MRPL3: variants seen among roughly 807,000 people sequenced by gnomAD.
MRPL3 encodes the protein large ribosomal subunit protein uL3m.
Under a neutral mutation model 44.3 loss-of-function variants are expected in MRPL3, and 43 were observed. The ratio of observed to expected loss-of-function variants is 0.97; its 90% CI spans 0.76 to 1.25. The LOEUF (loss-of-function observed/expected upper bound fraction) is 1.25, where lower values mean the gene tolerates loss of function less well. Ranked by LOEUF, MRPL3 falls within the 50% of genes most tolerant of loss-of-function variation. MRPL3 has a pLI of 0.00. For synonymous variants in MRPL3, 171 were observed against 152.3 expected (o/e 1.12, Z -0.91); for missense variants, 406 against 427.6 (o/e 0.95, Z 0.45).
At chr3:131,465,278 T>C (rs1303585661) in intron 9 of MRPL3, among the ~76,000 whole-genome samples, 1 of 152,200 alleles carries the variant, frequency 6.6e-6, no homozygotes, top group Non-Finnish European at 1.5e-5. Context: ...CAAACTATTA[T>C]CGATTGAGAG....
At chr3:131,482,629 A>G (rs1400217778) in intron 6 of MRPL3, among the ~76,000 whole-genome samples, 1 of 152,222 alleles carries the variant, frequency 6.6e-6, no homozygotes, top group Admixed American at 6.5e-5. Flanking sequence ...TAAAGTAGTA[A>G]GATTATTCCT....
rs762216027 is a variant in MRPL3, at chr3:131,469,740, G to T, written c.772C>A (p.Pro258Thr). ...IGRVWPGTKM[P>T]GKMGNIYRTE... ...CTGTATATGTTTCCCATTTTTCCAGGCATTTTAGTTCCAGGCCAGACTCTG... is the reference window on the plus strand; with the variant it reads ...CTGTATATGTTTCCCATTTTTCCAGTCATTTTAGTTCCAGGCCAGACTCTG... The change falls in exon 8 of 10, where the codon CCT becomes ACT. Residue 258 changes from proline to threonine, a missense_variant. Coordinates refer to ENST00000264995, the MANE Select transcript of MRPL3 (RefSeq NM_007208.4). 1 of 1,611,910 alleles carries T rather than the reference G, an allele frequency of 6.2e-7. No homozygotes were observed. The highest frequency in any genetic ancestry group is 2.2e-5 in the East Asian group (1 of 44,768).
rs149023331 is a variant in MRPL3 at position 131,483,991 on chromosome 3, A to G, written c.629+3689T>C. ...TTGAGATTTTTCTCTTTTCTAATGA[A>G]AAGATAATGAAGCCAATTACTAAAC... On this transcript the variant is annotated intron_variant, in intron 6 of 9. Transcript: ENST00000264995. Among the ~76,000 whole-genome samples the G allele has an allele frequency of 6.4e-3, 979 of 152,344 alleles. 9 individuals carry two copies. Among genetic ancestry groups the G allele is most frequent in the African/African-American group, 0.022 (900 of 41,586 alleles).
chr3:131,482,291 C>A (rs1398744706), intron 6 of MRPL3, among the ~76,000 whole-genome samples: 1 of 151,806 alleles, frequency 6.6e-6, no homozygotes, highest in Non-Finnish European at 1.5e-5. Flanking sequence ...CTGAGGCAGG[C>A]GGATCACGAG....
intron 9 of MRPL3, among the ~76,000 whole-genome samples, chr3:131,465,549 T>C (rs1030665919): frequency 6.6e-6 from 1 of 152,284 alleles, no homozygotes. Context: ...ATCATGTATG[T>C]AGAAAAATAG....
At chr3:131,470,472 C>A (rs1933714694) in intron 7 of MRPL3, among the ~76,000 whole-genome samples, 1 of 152,230 alleles carries the variant, frequency 6.6e-6, no homozygotes, top group African/African-American at 2.4e-5. Context: ...AGTGGAAGTA[C>A]CTCATCATGG....
intron 6 of MRPL3, among the ~76,000 whole-genome samples, chr3:131,484,410 G>A (rs1037539364): frequency 6.6e-6 from 1 of 152,080 alleles, no homozygotes; most frequent in Non-Finnish European, 1.5e-5. Context: ...ACTCAAGCAT[G>A]AGACCCACTG....
chr3:131,498,248 C>T lies in MRPL3; in HGVS notation c.399G>A (p.Thr133=), dbSNP rs1027450962. The change falls in exon 4 of 10, where the codon ACG becomes ACA. Residue 133 remains threonine, a synonymous_variant. Transcript: ENST00000264995. ...QVQDCHVLKY[T]SKENCNGKMA... is the part of the protein sequence containing the mutation. The stretch of plus-strand genomic sequence containing the variant: ...TTTTTCCATTACAGTTTTCCTTTGA[C>T]GTATATTTTAAGACATGACAGTCTT... 26 of 1,610,982 alleles carry T rather than the reference C, an allele frequency of 1.6e-5. No homozygotes were observed. The highest frequency in any genetic ancestry group is 2.2e-5 in the East Asian group (1 of 44,852).
intron 6 of MRPL3, among the ~76,000 whole-genome samples, chr3:131,482,505 A>C (rs1285883216): frequency 6.7e-6 from 1 of 149,514 alleles, no homozygotes; most frequent in Non-Finnish European, 1.5e-5. Context: ...ACAGAGCAAG[A>C]CTCCGTCTCA....
intron 6 of MRPL3, among the ~76,000 whole-genome samples, chr3:131,481,023 C>G (rs1338708889): frequency 6.6e-6 from 1 of 152,190 alleles, no homozygotes; most frequent in African/African-American, 2.4e-5. Flanking sequence ...GCCACGCTTT[C>G]AACCCAGGTC....
chr3:131,479,630 G>C (rs535790493), intron 6 of MRPL3, among the ~76,000 whole-genome samples: 1 of 152,236 alleles, frequency 6.6e-6, no homozygotes, highest in African/African-American at 2.4e-5. Context: ...TGGATCACGA[G>C]GTCAGGAGAT....
intron 5 of MRPL3, among the ~76,000 whole-genome samples, chr3:131,489,168 A>G (rs1934193241): frequency 6.6e-6 from 1 of 152,144 alleles, no homozygotes; most frequent in Non-Finnish European, 1.5e-5. Flanking sequence ...TTTATATTTA[A>G]AGTATTTCCA....
Position 131,502,937 on chromosome 3 carries a change from G to C in MRPL3, c.-116C>G. On this transcript the variant is annotated 5_prime_UTR_variant, in exon 1 of 10. Coordinates refer to ENST00000264995, the MANE Select transcript of MRPL3 (RefSeq NM_007208.4). Reference sequence around the variant, plus strand: ...GTAGCCGTGGGGAAGTTTTCGCAATGGCCGCCGGAACGGTCGCCGGCCGAT... The same window carrying C: ...GTAGCCGTGGGGAAGTTTTCGCAATCGCCGCCGGAACGGTCGCCGGCCGAT... The C allele has an allele frequency of 1.0e-6, 1 of 964,008 alleles. No individual in the cohort carries two copies. 59.7% of individuals were successfully genotyped at this position (964,008 alleles called of 1,614,324 possible).
intron 9 of MRPL3, among the ~76,000 whole-genome samples, chr3:131,464,870 T>C (rs954224134): frequency 5.9e-5 from 9 of 152,188 alleles, no homozygotes; most frequent in Admixed American, 1.3e-4. Context: ...GTTAACAAAG[T>C]TGGCTGCCCA....
At chr3:131,462,994 C>T (rs1559808822) in intron 9 of MRPL3, 119 bp from the exon 10 acceptor site, 1 of 808,962 alleles carries the variant, frequency 1.2e-6, no homozygotes. Context: ...AATAACACAA[C>T]TGTTACATAA....
chr3:131,481,333 A>G (rs1933980584), intron 6 of MRPL3, among the ~76,000 whole-genome samples: 1 of 152,224 alleles, frequency 6.6e-6, no homozygotes, highest in Admixed American at 6.5e-5. Context: ...TTTAAAATTG[A>G]AACTAATTAC....
At chr3:131,490,243 G>A (rs1402134102) in intron 4 of MRPL3, among the ~76,000 whole-genome samples, 163 bp from the exon 5 acceptor site, 1 of 152,122 alleles carries the variant, frequency 6.6e-6, no homozygotes, top group African/African-American at 2.4e-5. Flanking sequence ...TAAGGGAGGT[G>A]AGATTTATAG....
chr3:131,474,693 C>T (rs1292616851), intron 6 of MRPL3, among the ~76,000 whole-genome samples: 9 of 151,172 alleles, frequency 6.0e-5, no homozygotes, highest in Admixed American at 5.9e-4. Flanking sequence ...TAAAATTTGT[C>T]TTTGATTATA....
chr3:131,502,103 C>T (rs776470370), intron 1 of MRPL3, among the ~76,000 whole-genome samples: 1 of 152,168 alleles, frequency 6.6e-6, no homozygotes, highest in Non-Finnish European at 1.5e-5. Flanking sequence ...CTCCTCCCTG[C>T]AATGACATGG....
Sources: allele counts gnomAD v4.1 joint callset (sites outside exome capture counted in the v4.1 genomes callset), GRCh38; gene constraint gnomAD v4.1.1; transcripts MANE v1.5; gene names NCBI Gene and HGNC (gene_info 2026-07-23, HGNC 2026-07-21).